TRIM35: variants seen among roughly 807,000 people sequenced by gnomAD.
The protein encoded by TRIM35 is tripartite motif containing 35.
TRIM35 carries 37 observed loss-of-function variants against 49.1 expected under a neutral mutation model. The ratio of observed to expected loss-of-function variants is 0.75; its 90% confidence interval spans 0.58 to 0.99. The LOEUF (loss-of-function observed/expected upper bound fraction) is 0.99, where lower values mean the gene tolerates loss of function less well. Ranked by LOEUF, TRIM35 falls within the 50% of genes least tolerant of loss-of-function variation. TRIM35 has a pLI of 0.00. For synonymous variants in TRIM35, 302 were observed against 289.3 expected (o/e 1.04, Z -0.45); for missense variants, 648 against 702.7 (o/e 0.92, Z 0.88).
chr8:27,290,446 T>C (rs563791684), intron 3 of TRIM35, among the ~76,000 whole-genome samples: 53 of 152,280 alleles, frequency 3.5e-4, no homozygotes, highest in African/African-American at 1.3e-3. Flanking sequence ...AATGGATTAA[T>C]ACCGTTATTG....
At chr8:27,290,107 G>C (rs367814740) in intron 4 of TRIM35, 49 bp downstream of exon 4, 1 of 1,612,426 alleles carries the variant, frequency 6.2e-7, no homozygotes, top group Non-Finnish European at 8.5e-7. Context: ...TGCACCCCTG[G>C]TATTTCTGCC....
At chr8:27,290,059 G>T in intron 4 of TRIM35, 97 bp downstream of exon 4, 3 of 1,415,706 alleles carry the variant, frequency 2.1e-6, no homozygotes, top group Non-Finnish European at 3.0e-6. Flanking sequence ...GGTGCACCCA[G>T]CTGGTTGTTA....
intron 4 of TRIM35, among the ~76,000 whole-genome samples, chr8:27,289,903 C>A (rs1354993692): frequency 6.6e-6 from 1 of 152,176 alleles, no homozygotes; most frequent in Non-Finnish European, 1.5e-5. Flanking sequence ...GTTCTCCTTC[C>A]CTGCACGGCA....
chr8:27,303,444 A>G (rs2130307107), intron 1 of TRIM35, among the ~76,000 whole-genome samples: 1 of 152,276 alleles, frequency 6.6e-6, no homozygotes, highest in African/African-American at 2.4e-5. Flanking sequence ...TGTGAATTTG[A>G]ATGCATCTAA....
chr8:27,290,829 T>C (rs1171168055), intron 3 of TRIM35, among the ~76,000 whole-genome samples: 3 of 152,102 alleles, frequency 2.0e-5, no homozygotes, highest in East Asian at 3.9e-4. Context: ...AAGAAGAACA[T>C]TGGAAGACTC....
At chr8:27,309,982 CAAAA>C (rs10561313) in intron 1 of TRIM35, among the ~76,000 whole-genome samples, 1 of 131,522 alleles carries the variant, frequency 7.6e-6, no homozygotes. Flanking sequence ...ATAGAGGTCT[CAAAA>C]AAAAAAAAAA....
rs372256184 is a variant in TRIM35 at position 27,289,488 on chromosome 8, G to A, written c.786-208C>T. 4.6e-5 allele frequency among the ~76,000 whole-genome samples: 7 copies of A among 152,182 alleles called. No homozygotes were observed. In the East Asian group the frequency reaches 5.8e-4, roughly 13 times the overall value. ...GCCATCTCCCTTCAGCATTCAATCCGAGGGCTCACCCTGCCCCAACTAGGA... is the reference window on the plus strand; with the variant it reads ...GCCATCTCCCTTCAGCATTCAATCCAAGGGCTCACCCTGCCCCAACTAGGA... On this transcript the variant is annotated intron_variant, in intron 4 of 5. Coordinates refer to ENST00000305364, the MANE Select transcript of TRIM35 (RefSeq NM_171982.5).
At chr8:27,290,016 C>T (rs1386845727) in intron 4 of TRIM35, 140 bp downstream of exon 4, 2 of 957,248 alleles carry the variant, frequency 2.1e-6, no homozygotes, top group Non-Finnish European at 3.2e-6. Flanking sequence ...CCACCTCTCC[C>T]TCTAAAACCA....
chr8:27,302,268 C>T (rs1802695232), intron 1 of TRIM35, among the ~76,000 whole-genome samples: 1 of 152,170 alleles, frequency 6.6e-6, no homozygotes, highest in Admixed American at 6.5e-5. Context: ...TACTAATCCA[C>T]GAACATAATA....
rs142080263 is a variant in TRIM35, at chr8:27,298,479, G to A, written c.516C>T (p.Ile172=). ...GTTCGCTCACCTGATTGTGCTTGGC[G>A]ATGGCCTCATAGGAGCGCCGCATGG... The part of the protein sequence containing the change: ...FWAMRRSYEA[I]AKHNQVEAAW... The change falls in exon 2 of 6, where the codon ATC becomes ATT. Residue 172 remains isoleucine, a synonymous_variant. Coordinates refer to ENST00000305364, the MANE Select transcript of TRIM35 (RefSeq NM_171982.5). 183 of 1,614,166 alleles carry A rather than the reference G, an allele frequency of 1.1e-4. No homozygotes were observed. The Middle Eastern group carries it at 1.7e-3, about 15-fold the overall frequency.
intron 1 of TRIM35, among the ~76,000 whole-genome samples, chr8:27,306,122 T>C (rs1196036325): frequency 6.6e-6 from 1 of 152,038 alleles, no homozygotes; most frequent in African/African-American, 2.4e-5. Context: ...CCACTTCTCA[T>C]TACTTAGATG....
intron 3 of TRIM35, among the ~76,000 whole-genome samples, chr8:27,291,608 T>C (rs922388474): frequency 3.9e-5 from 6 of 152,262 alleles, no homozygotes; most frequent in African/African-American, 1.4e-4. Context: ...TGAATGTTTA[T>C]AGTCATATTA....
rs983466985 is a variant in TRIM35 at position 27,298,650 on chromosome 8, C to T, written c.436-91G>A. 7.9e-6 allele frequency: 8 copies of T among 1,017,536 alleles called. No individual in the cohort carries two copies. The African/African-American group carries it at 1.3e-4, about 16-fold the overall frequency. 63.0% of individuals were successfully genotyped at this position (1,017,536 alleles called of 1,614,324 possible). On this transcript the variant is annotated intron_variant, in intron 1 of 5. Transcript: ENST00000305364. ...ACACATCACATTTACAACTGGGACT[C>T]CACTTCAACACAAGTGTAACTCAAC...
Position 27,311,094 on chromosome 8 carries a change from A to T in TRIM35, c.142T>A (p.Cys48Ser). The change falls in exon 1 of 6, where the codon TGC (cysteine) becomes AGC (serine). Residue 48 changes from cysteine to serine, a missense_variant. By Grantham distance (112) the Cys-to-Ser change is moderately radical. Coordinates refer to ENST00000305364, the MANE Select transcript of TRIM35 (RefSeq NM_171982.5). ...GTGGGCGACACCTGCACCTCCCAGC[A>T]GCGGCTCACGCACCCGCGGCAGAAG... ...HNFCRGCVSR[C>S]WEVQVSPTCP... 1 of 1,598,222 alleles carries T rather than the reference A, an allele frequency of 6.3e-7. No homozygotes were observed. Among genetic ancestry groups the T allele is most frequent in the Non-Finnish European group, 8.5e-7 (1 of 1,173,426 alleles).
At chr8:27,291,244 A>G (rs1802447222) in intron 3 of TRIM35, among the ~76,000 whole-genome samples, 1 of 152,146 alleles carries the variant, frequency 6.6e-6, no homozygotes, top group South Asian at 2.1e-4. Flanking sequence ...AAATGGGCAA[A>G]GGATGTGAAT....
chr8:27,298,923 G>T (rs1346680622), intron 1 of TRIM35, among the ~76,000 whole-genome samples: 1 of 152,180 alleles, frequency 6.6e-6, no homozygotes. Context: ...CCTGAGCTGT[G>T]TGGACAACTG....
At chr8:27,296,156 T>C (rs1005869737) in intron 2 of TRIM35, among the ~76,000 whole-genome samples, 29 of 139,818 alleles carry the variant, frequency 2.1e-4, no homozygotes, top group East Asian at 4.0e-4. Flanking sequence ...GTGATTCTCT[T>C]TTTTTTTTTT....
chr8:27,296,018 A>G (rs1802558048), intron 2 of TRIM35, among the ~76,000 whole-genome samples: 1 of 152,240 alleles, frequency 6.6e-6, no homozygotes, highest in Admixed American at 6.5e-5. Flanking sequence ...ATAAATGACT[A>G]TTATGCTTGT....
intron 5 of TRIM35, among the ~76,000 whole-genome samples, chr8:27,288,747 C>T (rs531578632): frequency 6.6e-6 from 1 of 152,332 alleles, no homozygotes; most frequent in South Asian, 2.1e-4. Context: ...GATGTTAGGA[C>T]AGCACGGCCC....
Sources: allele counts gnomAD v4.1 joint callset (sites outside exome capture counted in the v4.1 genomes callset), GRCh38; gene constraint gnomAD v4.1.1; transcripts MANE v1.5; gene names NCBI Gene and HGNC (gene_info 2026-07-23, HGNC 2026-07-21).